Variants in JARID2 observed in about 807,000 individuals in gnomAD.
The protein encoded by JARID2 is jumonji and AT-rich interaction domain containing 2, also known as protein Jumonji.
Under a neutral mutation model 125.6 loss-of-function variants are expected in JARID2, and 21 were observed. The ratio of observed to expected loss-of-function variants is 0.17; its 90% CI spans 0.12 to 0.24. The LOEUF (loss-of-function observed/expected upper bound fraction) is 0.24, where lower values mean the gene tolerates loss of function less well. JARID2 is among the 10% of genes least tolerant of loss of function. The pLI, the probability that JARID2 is intolerant of heterozygous loss-of-function variation, is 1.00. For synonymous variants in JARID2, 736 were observed against 661.6 expected (o/e 1.11, Z -1.73); for missense variants, 1,303 against 1,639.6 (o/e 0.79, Z 3.55).
At chr6:15,327,444 A>AG (rs1328939517) in intron 1 of JARID2, among the ~76,000 whole-genome samples, 1 of 152,062 alleles carries the variant, frequency 6.6e-6, no homozygotes, top group Non-Finnish European at 1.5e-5. Context: ...TGAGGCCACG[A>AG]GGGGGAGATC....
chr6:15,365,059 C>T (rs1436863099), intron 1 of JARID2, among the ~76,000 whole-genome samples: 1 of 152,092 alleles, frequency 6.6e-6, no homozygotes, highest in Admixed American at 6.6e-5. Context: ...ATTAGAATTT[C>T]TTTGTAAATA....
At chr6:15,273,417 T>A (rs1760375635) in intron 1 of JARID2, among the ~76,000 whole-genome samples, 1 of 152,232 alleles carries the variant, frequency 6.6e-6, no homozygotes, top group African/African-American at 2.4e-5. Flanking sequence ...AAAACTGTTT[T>A]TCAGCCAGAT....
At chr6:15,356,568 A>G (rs979285935) in intron 1 of JARID2, among the ~76,000 whole-genome samples, 1 of 152,186 alleles carries the variant, frequency 6.6e-6, no homozygotes, top group Admixed American at 6.5e-5. Flanking sequence ...TTTTTAGGCA[A>G]ATTCATAAAT....
At chr6:15,326,564 C>G (rs1335014439) in intron 1 of JARID2, among the ~76,000 whole-genome samples, 2 of 152,276 alleles carry the variant, frequency 1.3e-5, no homozygotes, top group East Asian at 3.9e-4. Context: ...TGCAGTGGCT[C>G]GATCTTCGCT....
chr6:15,252,154 T>C (rs1232180374), intron 1 of JARID2, among the ~76,000 whole-genome samples: 1 of 152,192 alleles, frequency 6.6e-6, no homozygotes, highest in East Asian at 1.9e-4. Flanking sequence ...ACTTCAGTTA[T>C]GCCCAGACTT....
intron 5 of JARID2, among the ~76,000 whole-genome samples, chr6:15,468,965 G>A (rs1179667940): frequency 1.3e-5 from 2 of 151,842 alleles, no homozygotes; most frequent in Non-Finnish European, 2.9e-5. Context: ...TAGATAAACA[G>A]GCATCAGAAC....
At chr6:15,392,615 A>G (rs1263939498) in intron 2 of JARID2, among the ~76,000 whole-genome samples, 4 of 150,284 alleles carry the variant, frequency 2.7e-5, no homozygotes, top group East Asian at 2.0e-4. Flanking sequence ...GTGCTGTCCT[A>G]TATAGTAGCC....
intron 1 of JARID2, among the ~76,000 whole-genome samples, chr6:15,320,842 CT>C (rs1214341367): frequency 2.0e-4 from 28 of 143,114 alleles, no homozygotes; most frequent in African/African-American, 7.0e-4. Flanking sequence ...GATTCATTCT[CT>C]CTCTCTCTCT....
rs1764086364 is a variant in JARID2 at position 15,369,389 on chromosome 6, A to G, written c.46-4728A>G. 23 of 398,902 alleles carry G rather than the reference A, an allele frequency of 5.8e-5. 1 individual carries two copies. The highest frequency in any genetic ancestry group is 4.3e-4 in the South Asian group (23 of 53,378). The allele number at this position is 398,902 out of a possible 1,614,324, so 24.7% of individuals were successfully genotyped here. On this transcript the variant is annotated intron_variant, in intron 1 of 17. Coordinates refer to ENST00000341776, the MANE Select transcript of JARID2 (RefSeq NM_004973.4). ...TTGATAAGAAATTCTATTATTTTCA[A>G]AAGTGGCAGTAATCCTGCAGTTTAA...
intron 12 of JARID2, among the ~76,000 whole-genome samples, chr6:15,509,670 C>T (rs1181243044): frequency 1.3e-5 from 2 of 152,208 alleles, no homozygotes; most frequent in African/African-American, 2.4e-5. Context: ...AAGAGCGTGG[C>T]CATTTCCTGT....
chr6:15,500,900 G>T lies in JARID2; in HGVS notation c.1946-7G>T, dbSNP rs1448857044. ...CTGTCCCGTTTTTTTCCCCTTCGCT[G>T]TCCCAGGGGGCTGTGAGCTCGACCT... On this transcript the variant is annotated splice_polypyrimidine_tract_variant and splice_region_variant and intron_variant, in intron 7 of 17. Coordinates refer to ENST00000341776, the MANE Select transcript of JARID2 (RefSeq NM_004973.4). 6.3e-7 allele frequency: 1 copy of T among 1,589,550 alleles called. No individual in the cohort carries two copies. Among genetic ancestry groups the T allele is most frequent in the Admixed American group, 1.8e-5 (1 of 56,976 alleles).
At chr6:15,395,391 G>A (rs1419417716) in intron 2 of JARID2, among the ~76,000 whole-genome samples, 1 of 152,034 alleles carries the variant, frequency 6.6e-6, no homozygotes, top group Non-Finnish European at 1.5e-5. Flanking sequence ...CGGGAGTCCT[G>A]AGTAGTTGGG....
chr6:15,416,173 G>A (rs1452545369), intron 3 of JARID2, among the ~76,000 whole-genome samples: 32 of 151,238 alleles, frequency 2.1e-4, no homozygotes, highest in African/African-American at 7.6e-4. Context: ...ATGGGATGGC[G>A]GCCGGGCAGA....
At chr6:15,415,455 A>ACCTCCCTC (rs70996546) in intron 3 of JARID2, among the ~76,000 whole-genome samples, 2 of 136,668 alleles carry the variant, frequency 1.5e-5, no homozygotes, top group Admixed American at 7.2e-5. Flanking sequence ...TGACACCCCC[A>ACCTCCCTC]CCTCCCTCCC....
At chr6:15,395,108 A>G (rs897107047) in intron 2 of JARID2, among the ~76,000 whole-genome samples, 1 of 152,212 alleles carries the variant, frequency 6.6e-6, no homozygotes, top group African/African-American at 2.4e-5. Context: ...GTTTGTTAGT[A>G]TTAATTTCTA....
At chr6:15,454,289 T>C (rs946564805) in intron 4 of JARID2, among the ~76,000 whole-genome samples, 1 of 152,134 alleles carries the variant, frequency 6.6e-6, no homozygotes, top group Non-Finnish European at 1.5e-5. Flanking sequence ...TGGGACTGAA[T>C]TGTTGGGGGG....
At chr6:15,453,678 TG>T (rs1437568557) in intron 4 of JARID2, among the ~76,000 whole-genome samples, 2 of 152,260 alleles carry the variant, frequency 1.3e-5, no homozygotes, top group Non-Finnish European at 2.9e-5. Flanking sequence ...GGTTATAATC[TG>T]TTACTCCTAT....
intron 6 of JARID2, among the ~76,000 whole-genome samples, chr6:15,490,255 T>C (rs1038887120): frequency 7.7e-6 from 1 of 129,328 alleles, no homozygotes; most frequent in African/African-American, 2.9e-5. Context: ...AAATATGATA[T>C]GTGGATTTTT....
chr6:15,464,189 T>G (rs1210738031), intron 4 of JARID2, among the ~76,000 whole-genome samples: 1 of 152,204 alleles, frequency 6.6e-6, no homozygotes, highest in South Asian at 2.1e-4. Flanking sequence ...TACTTTGGCT[T>G]CATTTTTACC....
Sources: allele counts gnomAD v4.1 joint callset (sites outside exome capture counted in the v4.1 genomes callset), GRCh38; gene constraint gnomAD v4.1.1; transcripts MANE v1.5; gene names NCBI Gene and HGNC (gene_info 2026-07-23, HGNC 2026-07-21).